Variants in OPCML observed in about 807,000 individuals in gnomAD.
OPCML encodes opioid-binding protein/cell adhesion molecule.
Under a neutral mutation model 37.8 loss-of-function variants are expected in OPCML, and 13 were observed. The ratio of observed to expected loss-of-function variants is 0.34; its 90% CI spans 0.22 to 0.55. OPCML has a LOEUF of 0.55. OPCML is among the 20% of genes least tolerant of loss of function. The probability of loss-of-function intolerance (pLI) is 0.91; values close to 1 mark genes in which losing one functional copy is unlikely to be tolerated. For synonymous variants in OPCML, 176 were observed against 168.8 expected, an observed-to-expected ratio of 1.04 and a Z score of -0.33; for missense variants, 341 against 435.6, an observed-to-expected ratio of 0.78 and a Z score of 1.93.
intron 1 of OPCML, among the ~76,000 whole-genome samples, chr11:133,014,268 C>T (rs1947275555): frequency 1.3e-5 from 2 of 151,978 alleles, no homozygotes; most frequent in South Asian, 2.1e-4. Context: ...CTGCTCATTC[C>T]CTAAGTGGCT....
At chr11:133,487,016 T>G (rs1252681218) in intron 1 of OPCML, among the ~76,000 whole-genome samples, 4 of 152,090 alleles carry the variant, frequency 2.6e-5, no homozygotes, top group Admixed American at 6.6e-5. Context: ...ACTGCCATAT[T>G]CCAGAGCCCC....
At chr11:133,310,384 T>G (rs188746002) in intron 1 of OPCML, among the ~76,000 whole-genome samples, 2 of 152,298 alleles carry the variant, frequency 1.3e-5, no homozygotes, top group African/African-American at 2.4e-5. Flanking sequence ...GCTCAGCTCA[T>G]GATGCTTGAA....
intron 7 of OPCML, among the ~76,000 whole-genome samples, chr11:132,433,406 T>G (rs779698112): frequency 5.3e-5 from 8 of 152,204 alleles, no homozygotes; most frequent in Non-Finnish European, 7.3e-5. Context: ...CACATCTAAA[T>G]GTAGCATTTA....
chr11:133,417,196 G>C (rs987078902), intron 1 of OPCML, among the ~76,000 whole-genome samples: 2 of 152,130 alleles, frequency 1.3e-5, no homozygotes, highest in Non-Finnish European at 2.9e-5. Context: ...AGCCACCCTA[G>C]CAAATTAATT....
intron 1 of OPCML, chr11:133,360,787 G>A (rs527838304): frequency 4.6e-5 from 7 of 152,304 alleles, no homozygotes; most frequent in African/African-American, 1.7e-4. Flanking sequence ...AGACTTGCCC[G>A]GGTTCAAATA....
intron 1 of OPCML, among the ~76,000 whole-genome samples, chr11:133,049,757 C>T (rs1454735007): frequency 3.3e-5 from 5 of 152,206 alleles, no homozygotes; most frequent in African/African-American, 1.2e-4. Flanking sequence ...GTGCTGTGCT[C>T]TCCACCTGTG....
At chr11:132,719,720 A>C (rs909600427) in intron 2 of OPCML, among the ~76,000 whole-genome samples, 7 of 152,202 alleles carry the variant, frequency 4.6e-5, no homozygotes, top group African/African-American at 1.7e-4. Context: ...CTTTATATTG[A>C]AATAAAAAGC....
intron 1 of OPCML, among the ~76,000 whole-genome samples, chr11:133,043,541 TGTGATA>T (rs1947948369): frequency 6.6e-6 from 1 of 152,182 alleles, no homozygotes; most frequent in Admixed American, 6.5e-5. Flanking sequence ...CCAGCCTCAC[TGTGATA>T]TTGCTTTAGG....
intron 3 of OPCML, among the ~76,000 whole-genome samples, chr11:132,651,779 T>A (rs924706528): frequency 3.3e-5 from 5 of 152,220 alleles, no homozygotes; most frequent in Non-Finnish European, 7.3e-5. Context: ...TAGAGTCTTT[T>A]GTTTACATAG....
intron 2 of OPCML, among the ~76,000 whole-genome samples, chr11:132,689,102 C>T (rs189360987): frequency 1.9e-3 from 286 of 152,160 alleles, no homozygotes; most frequent in Middle Eastern, 6.8e-3. Flanking sequence ...TAACAAATCC[C>T]GGGAATGCTG....
intron 1 of OPCML, among the ~76,000 whole-genome samples, chr11:133,239,297 G>T: frequency 6.6e-6 from 1 of 152,230 alleles, no homozygotes; most frequent in East Asian, 1.9e-4. Flanking sequence ...GGTGGAGGAT[G>T]CAACAACCTT....
chr11:133,422,677 T>C (rs183592035), intron 1 of OPCML: 3 of 984,186 alleles, frequency 3.0e-6, no homozygotes, highest in East Asian at 2.3e-4. Flanking sequence ...TTTTAATAAT[T>C]ATTATGTCAT....
At chr11:132,877,850 C>T (rs1943077768) in intron 2 of OPCML, among the ~76,000 whole-genome samples, 1 of 152,176 alleles carries the variant, frequency 6.6e-6, no homozygotes, top group Admixed American at 6.5e-5. Context: ...TTAAGCGTAG[C>T]CATATGGTCA....
rs563286181 is a variant in OPCML at position 133,327,121 on chromosome 11, G to C, written c.61+205143C>G. ...GTGTGTGTATGTGGGGGGAGGGTGT[G>C]GGTGTGTGGGGAGGGTGAGTGTGTG... On this transcript the variant is annotated intron_variant, in intron 1 of 7. Transcript: ENST00000524381. 3.5e-3 allele frequency among the ~76,000 whole-genome samples: 516 copies of C among 145,812 alleles called. 6 individuals are homozygous for C. Among genetic ancestry groups the C allele is most frequent in the African/African-American group, 0.012 (478 of 39,104 alleles).
At chr11:132,846,837 A>G (rs1941561865) in intron 2 of OPCML, among the ~76,000 whole-genome samples, 1 of 152,168 alleles carries the variant, frequency 6.6e-6, no homozygotes, top group Admixed American at 6.5e-5. Context: ...GTATGTCTGA[A>G]ATTATCATTT....
At chr11:133,088,913 A>G (rs1483175741) in intron 1 of OPCML, among the ~76,000 whole-genome samples, 2 of 152,230 alleles carry the variant, frequency 1.3e-5, no homozygotes, top group Non-Finnish European at 2.9e-5. Flanking sequence ...AAAAATTCCA[A>G]AGCAAGTGAT....
chr11:133,242,255 A>C (rs1940758871), intron 1 of OPCML, among the ~76,000 whole-genome samples: 1 of 152,142 alleles, frequency 6.6e-6, no homozygotes, highest in Non-Finnish European at 1.5e-5. Context: ...GGAGAGGAAA[A>C]CGGAGCTTCA....
chr11:133,256,913 G>A (rs1941328213), intron 1 of OPCML, among the ~76,000 whole-genome samples: 1 of 152,208 alleles, frequency 6.6e-6, no homozygotes, highest in South Asian at 2.1e-4. Flanking sequence ...AACCATGTGA[G>A]TTCTATCCAG....
intron 1 of OPCML, among the ~76,000 whole-genome samples, chr11:133,242,058 T>C: frequency 6.6e-6 from 1 of 152,238 alleles, no homozygotes; most frequent in East Asian, 1.9e-4. Context: ...TAAATGTTTA[T>C]GACATATGGC....
Sources: gnomAD v4.1 joint callset for allele counts (sites outside exome capture counted in the v4.1 genomes callset) on GRCh38, gnomAD v4.1.1 for gene constraint, MANE v1.5 for transcripts, NCBI Gene and HGNC (gene_info 2026-07-23, HGNC 2026-07-21) for gene names.